REDIC1: variants seen among roughly 807,000 people sequenced by gnomAD.
The protein encoded by REDIC1 is regulator of DNA class I crossover intermediates 1, also known as HEI10 Interacting Protein 1.
chr12:39,716,115 T>C, the REDIC1 span, among the ~76,000 whole-genome samples: 1 of 151,944 alleles, frequency 6.6e-6, no homozygotes, highest in African/African-American at 2.4e-5. Context: ...TTGTTTCATG[T>C]TCTGCAGCCT....
chr12:39,900,659 C>A, the REDIC1 span, among the ~76,000 whole-genome samples: 1,502 of 152,196 alleles, frequency 9.9e-3, 26 homozygotes, highest in African/African-American at 0.034. Context: ...TCAAGGAGAA[C>A]CACAAACCAC....
the REDIC1 span, among the ~76,000 whole-genome samples, chr12:39,903,797 T>C: frequency 3.9e-5 from 6 of 152,094 alleles, no homozygotes; most frequent in African/African-American, 1.4e-4. Context: ...ATAATTCCCA[T>C]TTAGCTTAAG....
the REDIC1 span, among the ~76,000 whole-genome samples, chr12:39,712,309 T>C: frequency 5.9e-3 from 279 of 47,310 alleles, 4 homozygotes; most frequent in African/African-American, 0.013. Context: ...TACATACATA[T>C]ATATGTATAT....
At chr12:39,730,875 T>C in the REDIC1 span, among the ~76,000 whole-genome samples, 1 of 152,242 alleles carries the variant, frequency 6.6e-6, no homozygotes, top group Non-Finnish European at 1.5e-5. Context: ...TCTCTAATCT[T>C]GTCTTCATGC....
the REDIC1 span, among the ~76,000 whole-genome samples, chr12:39,739,897 T>A: frequency 3.3e-5 from 5 of 152,244 alleles, no homozygotes; most frequent in Admixed American, 6.5e-5. Flanking sequence ...GGCCTCAAGC[T>A]CGCATGCTTC....
chr12:39,643,497 C>T, the REDIC1 span, among the ~76,000 whole-genome samples: 7 of 151,446 alleles, frequency 4.6e-5, no homozygotes, highest in African/African-American at 7.3e-5. Flanking sequence ...TTTTAACTTT[C>T]TATATAGAGA....
the REDIC1 span, among the ~76,000 whole-genome samples, chr12:39,690,431 A>G: frequency 6.6e-6 from 1 of 152,212 alleles, no homozygotes; most frequent in African/African-American, 2.4e-5. Flanking sequence ...ACAAAATTCA[A>G]GAGTGATGAT....
chr12:39,832,197 A>C, the REDIC1 span, among the ~76,000 whole-genome samples: 2 of 152,182 alleles, frequency 1.3e-5, no homozygotes, highest in Non-Finnish European at 2.9e-5. Context: ...TTTAGAAGTA[A>C]GTACACTGAG....
At chr12:39,668,241 A>G in the REDIC1 span, among the ~76,000 whole-genome samples, 3 of 150,792 alleles carry the variant, frequency 2.0e-5, no homozygotes, top group African/African-American at 7.3e-5. Flanking sequence ...TTCCTTCAGG[A>G]GCTCTTTTAG....
the REDIC1 span, among the ~76,000 whole-genome samples, chr12:39,735,014 G>A: frequency 6.6e-6 from 1 of 152,186 alleles, no homozygotes; most frequent in Non-Finnish European, 1.5e-5. Flanking sequence ...ATTTATTGCA[G>A]CAATCTTTTG....
At chr12:39,699,038 C>T in the REDIC1 span, among the ~76,000 whole-genome samples, 2 of 151,764 alleles carry the variant, frequency 1.3e-5, no homozygotes, top group Admixed American at 6.6e-5. Context: ...TACAAAGTAT[C>T]AATGAAAAAA....
At chr12:39,764,988 A>G in the REDIC1 span, 3 of 1,064,360 alleles carry the variant, frequency 2.8e-6, no homozygotes, top group African/African-American at 3.2e-5. Context: ...TTCTTAAAAA[A>G]TAAGAACTAA....
chr12:39,751,782 C>T, the REDIC1 span, among the ~76,000 whole-genome samples: 1 of 152,120 alleles, frequency 6.6e-6, no homozygotes, highest in Non-Finnish European at 1.5e-5. Context: ...AACCATCATT[C>T]TCAGCAAACT....
At chr12:39,692,281 T>A in the REDIC1 span, 2 of 578,966 alleles carry the variant, frequency 3.5e-6, no homozygotes, top group Non-Finnish European at 5.4e-6. Flanking sequence ...TATATTTTAT[T>A]AAATATACAT....
At chr12:39,743,464 CA>C in the REDIC1 span, among the ~76,000 whole-genome samples, 1 of 152,106 alleles carries the variant, frequency 6.6e-6, no homozygotes, top group Non-Finnish European at 1.5e-5. Context: ...CAAAAAATTA[CA>C]AGGTATACTA....
chr12:39,651,585 T>C, the REDIC1 span, among the ~76,000 whole-genome samples: 1 of 152,192 alleles, frequency 6.6e-6, no homozygotes, highest in Non-Finnish European at 1.5e-5. Flanking sequence ...AGTTGTCAAT[T>C]CTGTATTTTA....
At chr12:39,655,037 C>A in the REDIC1 span, among the ~76,000 whole-genome samples, 1 of 151,914 alleles carries the variant, frequency 6.6e-6, no homozygotes, top group Non-Finnish European at 1.5e-5. Context: ...TATAGTATAC[C>A]CTTGAAATCC....
chr12:39,840,997 A>G, the REDIC1 span, among the ~76,000 whole-genome samples: 1 of 152,160 alleles, frequency 6.6e-6, no homozygotes, highest in African/African-American at 2.4e-5. Flanking sequence ...TGAAGCTTGA[A>G]TCACACCATG....
At chr12:39,719,637 A>G in the REDIC1 span, among the ~76,000 whole-genome samples, 8 of 152,070 alleles carry the variant, frequency 5.3e-5, no homozygotes, top group Non-Finnish European at 1.0e-4. Flanking sequence ...AAAATCACCA[A>G]TAACATGTTA....
Sources: gnomAD v4.1 joint callset for allele counts (sites outside exome capture counted in the v4.1 genomes callset) on GRCh38, gnomAD v4.1.1 for gene constraint, MANE v1.5 for transcripts, NCBI Gene and HGNC (gene_info 2026-07-23, HGNC 2026-07-21) for gene names.